Variants in ZNF365 observed in about 807,000 individuals in gnomAD.
ZNF365 encodes zinc finger protein 365, also known as protein ZNF365.
Under a neutral mutation model 35.0 loss-of-function variants are expected in ZNF365, and 22 were observed. The ratio of observed to expected loss-of-function variants is 0.63; its 90% CI spans 0.45 to 0.90. The LOEUF is 0.90. ZNF365 is among the 40% of genes least tolerant of loss of function. ZNF365 has a pLI of 0.00. For missense variants in ZNF365, 448 were observed against 500.3 expected, an observed-to-expected ratio of 0.90 and a Z score of 1.00; for synonymous variants, 188 against 196.2, an observed-to-expected ratio of 0.96 and a Z score of 0.35.
At chr10:62,445,749 A>G (rs1840576650) in intron 3 of ZNF365, among the ~76,000 whole-genome samples, 1 of 152,202 alleles carries the variant, frequency 6.6e-6, no homozygotes, top group East Asian at 1.9e-4. Flanking sequence ...AAAAAGAATC[A>G]TATTAAGATT....
intron 4 of ZNF365, among the ~76,000 whole-genome samples, chr10:62,474,840 C>G (rs1443819263): frequency 1.3e-5 from 2 of 152,184 alleles, no homozygotes; most frequent in African/African-American, 2.4e-5. Flanking sequence ...TGGAGTAGCT[C>G]CAGTTCACAT....
Position 62,401,293 on chromosome 10 carries a change from G to C in ZNF365, c.*1504G>C, listed in dbSNP as rs1288939431. 1.0e-6 allele frequency: 1 copy of C among 985,238 alleles called. No individual in the cohort carries two copies. Among genetic ancestry groups the C allele is most frequent in the Non-Finnish European group, 1.2e-6 (1 of 829,864 alleles). 61.0% of individuals were successfully genotyped at this position (985,238 alleles called of 1,614,324 possible). On this transcript the variant is annotated 3_prime_UTR_variant, in exon 5 of 5. Coordinates refer to ENST00000395254, the MANE Select transcript of ZNF365 (RefSeq NM_014951.3). ...TTCTCTTATTTAAAAAATCAAAACT[G>C]TAACGTAATTAACATTGGCAGAATT...
At chr10:62,450,862 T>C (rs1448859567) in intron 3 of ZNF365, among the ~76,000 whole-genome samples, 1 of 152,240 alleles carries the variant, frequency 6.6e-6, no homozygotes, top group East Asian at 1.9e-4. Flanking sequence ...TATCTGAGAC[T>C]TCCTCTAAAT....
rs374331816 is a variant in ZNF365, at chr10:62,398,732, T to G, written c.925-8T>G. 4 of 1,611,432 alleles carry G rather than the reference T, an allele frequency of 2.5e-6. No homozygotes were observed. In the African/African-American group the frequency reaches 5.3e-5, roughly 22 times the overall value. ...AGTTAACATTTTTTCTTATTTGTTT[T>G]CCTTCAGCTTACAGACATCTCCTCA... On this transcript the variant is annotated splice_region_variant and splice_polypyrimidine_tract_variant and intron_variant, in intron 3 of 4. Transcript: ENST00000395254.
chr10:62,475,713 C>T (rs1002095614), intron 4 of ZNF365, among the ~76,000 whole-genome samples: 2 of 152,172 alleles, frequency 1.3e-5, no homozygotes, highest in African/African-American at 4.8e-5. Context: ...ACATTTCCTC[C>T]CAGTGAGTTC....
intron 3 of ZNF365, among the ~76,000 whole-genome samples, chr10:62,448,772 A>G (rs1176130196): frequency 2.0e-5 from 3 of 152,212 alleles, no homozygotes; most frequent in Non-Finnish European, 4.4e-5. Context: ...CATCATATAT[A>G]TGAAATAAAC....
intron 2 of ZNF365, among the ~76,000 whole-genome samples, chr10:62,377,479 C>G (rs1839356464): frequency 6.6e-6 from 1 of 152,178 alleles, no homozygotes; most frequent in Non-Finnish European, 1.5e-5. Flanking sequence ...TTGGGAGAAG[C>G]AGACATTAGG....
intron 3 of ZNF365, among the ~76,000 whole-genome samples, chr10:62,456,831 C>T (rs746250823): frequency 1.4e-5 from 2 of 145,844 alleles, no homozygotes; most frequent in African/African-American, 2.7e-5. Context: ...AACACACACA[C>T]GTGCGCACAC....
intron 4 of ZNF365, among the ~76,000 whole-genome samples, chr10:62,479,550 C>G (rs533669180): frequency 8.5e-5 from 13 of 152,292 alleles, no homozygotes; most frequent in Admixed American, 8.5e-4. Flanking sequence ...CCAGGACACT[C>G]TTGAGAGTTG....
chr10:62,407,046 A>G (rs1436658397), downstream of ZNF365, among the ~76,000 whole-genome samples: 1 of 152,228 alleles, frequency 6.6e-6, no homozygotes, highest in Non-Finnish European at 1.5e-5. Flanking sequence ...CAGGCAGAGC[A>G]CTGGAGCACT....
chr10:62,388,688 T>C, intron 3 of ZNF365, 112 bp downstream of exon 3: 2 of 1,247,816 alleles, frequency 1.6e-6, no homozygotes, highest in Non-Finnish European at 2.2e-6. Flanking sequence ...TAGACATCAT[T>C]TGAGAGCACT....
chr10:62,381,657 G>A (rs971112616), intron 2 of ZNF365, among the ~76,000 whole-genome samples: 6 of 152,208 alleles, frequency 3.9e-5, no homozygotes, highest in African/African-American at 9.7e-5. Context: ...GGAGGCAGGG[G>A]AAGGGTGGCA....
At chr10:62,422,348 G>T (rs530436861) in intron 3 of ZNF365, among the ~76,000 whole-genome samples, 3 of 152,268 alleles carry the variant, frequency 2.0e-5, no homozygotes, top group Non-Finnish European at 2.9e-5. Flanking sequence ...ACAATATTTT[G>T]TGAACTTCTT....
At position 62,399,812 on chromosome 10, in the gene ZNF365, A is replaced by G. The variant is rs774943477; in HGVS notation, c.*23A>G. On this transcript the variant is annotated 3_prime_UTR_variant, in exon 5 of 5. Transcript: ENST00000395254. ...TAAAAGGGTGGGTGGTGCTGGACCA[A>G]TCATCGCTGGGCTTTGGGGAACGTT... The G allele has an allele frequency of 5.6e-6, 9 of 1,597,174 alleles. No homozygotes were observed. Among genetic ancestry groups the G allele is most frequent in the East Asian group, 4.5e-5 (2 of 44,594 alleles).
At chr10:62,417,159 C>T (rs1402778713) in intron 3 of ZNF365, among the ~76,000 whole-genome samples, 4 of 152,202 alleles carry the variant, frequency 2.6e-5, no homozygotes, top group East Asian at 1.9e-4. Flanking sequence ...TTGTCCTCAA[C>T]GACTTGAATG....
At position 62,376,184 on chromosome 10, in the gene ZNF365, T is replaced by G; in HGVS notation, c.-10T>G. 6.2e-7 allele frequency: 1 copy of G among 1,613,852 alleles called. No homozygotes were observed. The highest frequency in any genetic ancestry group is 2.2e-5 in the East Asian group (1 of 44,884). The stretch of plus-strand genomic sequence containing the variant: ...CTACCTATTTCCCCCCTCCCAGGAC[T>G]TTTAGAGTAATGCAACAGAAGGCTT... On this transcript the variant is annotated 5_prime_UTR_variant, in exon 2 of 5. Transcript: ENST00000395254.
Position 62,399,533 on chromosome 10 carries a change from G to T in ZNF365, c.968G>T (p.Arg323Leu), listed in dbSNP as rs779285297. ...SSNRKPKCLS[R>L]GHPHSVCNHP... ...CCCCCTCCAACCCTCTGTAGAAGCCGAGGGCACCCGCATTCGGTATGTAAC... is the reference window on the plus strand; with the variant it reads ...CCCCCTCCAACCCTCTGTAGAAGCCTAGGGCACCCGCATTCGGTATGTAAC... Residue 323 changes from arginine (R) to leucine (L), a missense_variant, in exon 5 of 5, where the codon CGA becomes CTA. Physicochemically the swap from Arg to Leu is moderately radical, Grantham distance 102. Transcript: ENST00000395254. 2 of 1,613,786 alleles carry T rather than the reference G, an allele frequency of 1.2e-6. No homozygotes were observed. The highest frequency in any genetic ancestry group is 1.1e-5 in the South Asian group (1 of 91,056).
At chr10:62,459,458 C>T (rs1029750751) in intron 3 of ZNF365, among the ~76,000 whole-genome samples, 2 of 152,224 alleles carry the variant, frequency 1.3e-5, no homozygotes, top group African/African-American at 2.4e-5. Flanking sequence ...AATGTACACA[C>T]ATCCAGACTA....
intron 2 of ZNF365, among the ~76,000 whole-genome samples, chr10:62,378,023 C>A (rs561340984): frequency 3.9e-5 from 6 of 152,162 alleles, no homozygotes; most frequent in Non-Finnish European, 7.3e-5. Context: ...TACGTTCTAC[C>A]TTGAGGGGAA....
Sources: gnomAD v4.1 joint callset for allele counts (sites outside exome capture counted in the v4.1 genomes callset) on GRCh38, gnomAD v4.1.1 for gene constraint, MANE v1.5 for transcripts, NCBI Gene and HGNC (gene_info 2026-07-23, HGNC 2026-07-21) for gene names.